The following CHLSN variants were observed in gnomAD, a reference collection of about 807,000 sequenced individuals.
CHLSN encodes protein cholesin.
chr7:999,418 C>T, the CHLSN span, among the ~76,000 whole-genome samples: 1 of 151,770 alleles, frequency 6.6e-6, no homozygotes, highest in Admixed American at 6.5e-5. Flanking sequence ...CCGGAGCTTG[C>T]AATAGGGCTT....
At chr7:985,394 G>A in the CHLSN span, 1 of 1,502,604 alleles carries the variant, frequency 6.7e-7, no homozygotes, top group Admixed American at 2.0e-5. Flanking sequence ...GGAGGACGGG[G>A]GCCCCAGTGC....
the CHLSN span, among the ~76,000 whole-genome samples, chr7:1,041,114 A>G: frequency 1.1e-3 from 168 of 149,814 alleles, no homozygotes; most frequent in Non-Finnish European, 2.2e-3. Flanking sequence ...GGAATTTAGG[A>G]AGAGGGAATG....
the CHLSN span, among the ~76,000 whole-genome samples, chr7:1,022,149 C>T: frequency 2.0e-5 from 3 of 152,200 alleles, no homozygotes; most frequent in Admixed American, 6.5e-5. Context: ...CTGCACTGTT[C>T]GTGAGCCACG....
chr7:1,057,306 T>TCACGACC, the CHLSN span, among the ~76,000 whole-genome samples: 14 of 152,172 alleles, frequency 9.2e-5, no homozygotes, highest in African/African-American at 3.4e-4. Context: ...CAGCCCCCGG[T>TCACGACC]CACGACCCGA....
chr7:1,078,784 G>C, the CHLSN span, among the ~76,000 whole-genome samples: 1 of 152,376 alleles, frequency 6.6e-6, no homozygotes, highest in East Asian at 1.9e-4. Flanking sequence ...GCCTGCTCCA[G>C]ACAGAGGCTG....
the CHLSN span, among the ~76,000 whole-genome samples, chr7:1,103,986 T>C: frequency 2.0e-5 from 3 of 151,890 alleles, no homozygotes; most frequent in African/African-American, 7.3e-5. Flanking sequence ...CCCACCAAAC[T>C]CCAAGCTCTG....
the CHLSN span, among the ~76,000 whole-genome samples, chr7:1,077,456 C>G: frequency 6.6e-6 from 1 of 152,082 alleles, no homozygotes; most frequent in Admixed American, 6.5e-5. Flanking sequence ...CACCTGGCCT[C>G]AGGTCCTATT....
At chr7:1,028,354 A>G in the CHLSN span, 11 of 1,011,890 alleles carry the variant, frequency 1.1e-5, no homozygotes, top group African/African-American at 1.8e-5. Context: ...CAGCAGCCTC[A>G]GCGCCTCCAC....
chr7:1,041,333 TGGGGTCCGCGCTGC>T, the CHLSN span, among the ~76,000 whole-genome samples: 2 of 105,096 alleles, frequency 1.9e-5, no homozygotes, highest in African/African-American at 9.0e-5. Context: ...GAAGGGGGCC[TGGGGTCCGCGCTGC>T]GGGGAAGGGG....
At chr7:988,473 G>C in the CHLSN span, 1 of 1,606,220 alleles carries the variant, frequency 6.2e-7, no homozygotes, top group African/African-American at 1.3e-5. Context: ...CCAGGGGTGG[G>C]ACGGCCCCAG....
At chr7:1,075,208 G>A in the CHLSN span, among the ~76,000 whole-genome samples, 45 of 152,244 alleles carry the variant, frequency 3.0e-4, no homozygotes, top group African/African-American at 1.0e-3. Flanking sequence ...CAAGCTAGAC[G>A]GGTGGTTAGA....
chr7:1,102,317 G>A, the CHLSN span, among the ~76,000 whole-genome samples: 3 of 152,238 alleles, frequency 2.0e-5, no homozygotes, highest in African/African-American at 7.2e-5. Flanking sequence ...TCTCCACCGC[G>A]CAGTCCCACT....
chr7:1,065,302 C>T, the CHLSN span, among the ~76,000 whole-genome samples: 1 of 152,236 alleles, frequency 6.6e-6, no homozygotes, highest in Non-Finnish European at 1.5e-5. Context: ...TCCCCGCTGT[C>T]CCAATTCCAG....
chr7:1,065,543 C>A, the CHLSN span, among the ~76,000 whole-genome samples: 1 of 152,184 alleles, frequency 6.6e-6, no homozygotes, highest in Non-Finnish European at 1.5e-5. Flanking sequence ...CATGCAGCTG[C>A]GGGGACACAG....
the CHLSN span, among the ~76,000 whole-genome samples, chr7:1,004,781 C>G: frequency 6.6e-6 from 1 of 152,246 alleles, no homozygotes; most frequent in Non-Finnish European, 1.5e-5. Flanking sequence ...CTCTTTCTCT[C>G]TGCCTAGGTG....
chr7:995,555 T>G, the CHLSN span, among the ~76,000 whole-genome samples: 3 of 152,258 alleles, frequency 2.0e-5, no homozygotes, highest in Non-Finnish European at 4.4e-5. Flanking sequence ...CTTTGCACTT[T>G]GCGGGTCTCC....
chr7:1,002,812 G>A, the CHLSN span, among the ~76,000 whole-genome samples: 1 of 84,432 alleles, frequency 1.2e-5, no homozygotes. Context: ...TCCTGTGGGT[G>A]GGGAGTCCTG....
At chr7:991,837 C>T in the CHLSN span, among the ~76,000 whole-genome samples, 7 of 152,320 alleles carry the variant, frequency 4.6e-5, no homozygotes, top group Admixed American at 1.3e-4. Context: ...GCCCTGCTTG[C>T]GTTAAACACC....
chr7:1,006,962 A>G, the CHLSN span, among the ~76,000 whole-genome samples: 1 of 152,214 alleles, frequency 6.6e-6, no homozygotes, highest in African/African-American at 2.4e-5. Flanking sequence ...GTATGGTCAC[A>G]GGTCACAGGC....
Sources: allele counts gnomAD v4.1 joint callset (sites outside exome capture counted in the v4.1 genomes callset), GRCh38; gene constraint gnomAD v4.1.1; transcripts MANE v1.5; gene names NCBI Gene and HGNC (gene_info 2026-07-23, HGNC 2026-07-21).